Variants in PGC observed in about 807,000 individuals in gnomAD.
PGC encodes progastricsin.
In PGC, 31 loss-of-function variants were observed where a neutral mutation model predicts 45.9. The observed-to-expected ratio is 0.67, with a 90% CI of 0.51 to 0.91. PGC has a LOEUF of 0.91. Ranked by LOEUF, PGC falls within the 40% of genes least tolerant of loss-of-function variation. The pLI, the probability that PGC is intolerant of heterozygous loss-of-function variation, is 0.00. For missense variants in PGC, 477 were observed against 493.2 expected (o/e 0.97, Z 0.31); for synonymous variants, 192 against 201.8 (o/e 0.95, Z 0.41).
chr6:41,744,485 C>A lies in PGC; in HGVS notation c.240G>T (p.Gly80=). 6.2e-7 allele frequency: 1 copy of A among 1,613,964 alleles called. No individual in the cohort carries two copies. The highest frequency in any genetic ancestry group is 8.5e-7 in the Non-Finnish European group (1 of 1,179,928). Residue 80 remains glycine, a synonymous_variant, in exon 3 of 9, where the codon GGG becomes GGT. Transcript: ENST00000373025. This position sits in a 1 kb window ranked among gnomAD's most constrained non-coding sequence, Gnocchi z 4.4. The part of the protein sequence containing the change: ...DAAYFGEISI[G]TPPQNFLVLF... The stretch of plus-strand genomic sequence containing the variant: ...GGACCAGGAAGTTCTGGGGTGGAGT[C>A]CCGATGCTGATCTCACCAAAGTAGG...
chr6:41,737,977 G>A (rs1375755894), intron 7 of PGC, 149 bp from the exon 8 acceptor site: 3 of 590,452 alleles, frequency 5.1e-6, no homozygotes, highest in Non-Finnish European at 9.2e-6. Context: ...CCAAGGGAAA[G>A]TCCTGTGTAG....
At position 41,744,586 on chromosome 6, in the gene PGC, G is replaced by A. The variant is rs1771892340; in HGVS notation, c.210+72C>T. 16 of 1,591,250 alleles carry A rather than the reference G, an allele frequency of 1.0e-5. No individual in the cohort carries two copies. Among genetic ancestry groups the A allele is most frequent in the Non-Finnish European group, 1.3e-5 (15 of 1,162,680 alleles). The stretch of plus-strand genomic sequence containing the variant: ...CCCAGGCTCCTCCATGGGCAGAGGA[G>A]TGAAGGGACCTGCCCCTTCCCTCCA... On this transcript the variant is annotated intron_variant, in intron 2 of 8. Transcript: ENST00000373025. The surrounding 1 kb of genome is among the most constrained non-coding windows in gnomAD (Gnocchi z 4.4).
Position 41,744,476 on chromosome 6 carries a change from G to A in PGC, c.249C>T (p.Pro83=). ...TGTCAAAAAGGACCAGGAAGTTCTG[G>A]GGTGGAGTCCCGATGCTGATCTCAC... ...YFGEISIGTP[P]QNFLVLFDTG... The change falls in exon 3 of 9, where the codon CCC becomes CCT. Residue 83 remains proline, a synonymous_variant. Coordinates refer to ENST00000373025, the MANE Select transcript of PGC (RefSeq NM_002630.4). The surrounding 1 kb of genome is among the most constrained non-coding windows in gnomAD (Gnocchi z 4.4). 3 of 1,613,988 alleles carry A rather than the reference G, an allele frequency of 1.9e-6. No individual in the cohort carries two copies. The highest frequency in any genetic ancestry group is 4.5e-5 in the East Asian group (2 of 44,864).
At chr6:41,743,462 TC>T in intron 3 of PGC, 73 bp from the exon 4 acceptor site, 1 of 923,438 alleles carries the variant, frequency 1.1e-6, no homozygotes, top group Non-Finnish European at 1.8e-6. Flanking sequence ...CCTGCCGGGT[TC>T]CCACCTCAGC....
At chr6:41,743,187 C>T in intron 4 of PGC, 84 bp downstream of exon 4, 2 of 841,760 alleles carry the variant, frequency 2.4e-6, no homozygotes, top group Non-Finnish European at 2.1e-6. Context: ...ACTAGCATTC[C>T]ACCGTGTTTC....
At chr6:41,738,226 G>GCATATATATACA (rs1771748755) in intron 7 of PGC, among the ~76,000 whole-genome samples, 8 of 58,388 alleles carry the variant, frequency 1.4e-4, no homozygotes, top group African/African-American at 6.6e-4. Context: ...ATATATATAT[G>GCATATATATACA]CATATATATA....
At position 41,742,384 on chromosome 6, in the gene PGC, G is replaced by T. The variant is rs778919680; in HGVS notation, c.553C>A (p.Pro185Thr). 1.2e-6 allele frequency: 2 copies of T among 1,614,138 alleles called. No individual in the cohort carries two copies. The highest frequency in any genetic ancestry group is 1.6e-4 in the Middle Eastern group (1 of 6,062). The part of the protein sequence containing the change: ...QFDGIMGLAY[P>T]ALSVDEATTA... ...GTGGCCTCATCCACGGACAGAGCAG[G>T]GTAGGCCAGGCCCATGATGCCATCA... The change falls in exon 5 of 9, where the codon CCT becomes ACT. Residue 185 changes from proline (P) to threonine (T), a missense_variant. Transcript: ENST00000373025.
At chr6:41,738,687 T>C (rs1771762501) in intron 7 of PGC, among the ~76,000 whole-genome samples, 1 of 151,302 alleles carries the variant, frequency 6.6e-6, no homozygotes, top group Admixed American at 6.6e-5. Context: ...CTGGGCGTGG[T>C]GGCTCACATC....
chr6:41,740,716 C>A lies in PGC; in HGVS notation c.648-106G>T, dbSNP rs973297835. The A allele has an allele frequency of 2.7e-6, 4 of 1,487,254 alleles. No homozygotes were observed. The Admixed American group carries it at 9.3e-5, about 35-fold the overall frequency. 92.1% of individuals were successfully genotyped at this position (1,487,254 alleles called of 1,614,324 possible). A position where few individuals can be genotyped will look rare whatever the true frequency, so the allele number is the denominator to read the frequency against. ...AACAGAGCTCCTTCCCTGATCCAGA[C>A]GGGGGCTCCCTGAGGAGAGCACTGA... On this transcript the variant is annotated intron_variant, in intron 5 of 8. Coordinates refer to ENST00000373025, the MANE Select transcript of PGC (RefSeq NM_002630.4).
chr6:41,741,223 C>G (rs767853873), intron 5 of PGC: 39 of 1,494,664 alleles, frequency 2.6e-5, no homozygotes, highest in Non-Finnish European at 3.4e-5. Flanking sequence ...CTGGGTGGAG[C>G]TGCTCTGTTT....
intron 1 of PGC, among the ~76,000 whole-genome samples, chr6:41,746,549 C>T (rs1236167192): frequency 6.6e-6 from 1 of 152,214 alleles, no homozygotes; most frequent in African/African-American, 2.4e-5. Context: ...TCTGGCCTTG[C>T]TCTAGGCTCC....
At position 41,738,237 on chromosome 6, in the gene PGC, T is replaced by C. The variant is rs1224134895; in HGVS notation, c.916-409A>G. Among the ~76,000 whole-genome samples the C allele has an allele frequency of 8.9e-3, 105 of 11,766 alleles. 1 individual carries two copies. Among genetic ancestry groups the C allele is most frequent in the South Asian group, 0.02 (6 of 302 alleles). The allele number at this position is 11,766 out of a possible 152,430, so 7.7% of individuals were successfully genotyped here. A position where few individuals can be genotyped will look rare whatever the true frequency, so the allele number is the denominator to read the frequency against. ...ATGCATATATATATGCATATATATA[T>C]GTATATATATATGCATATATATATA... On this transcript the variant is annotated intron_variant, in intron 7 of 8. Transcript: ENST00000373025.
In PGC at chr6:41,736,772, G is replaced by T; in HGVS notation, c.*80C>A. 1.4e-6 allele frequency: 2 copies of T among 1,395,264 alleles called. No homozygotes were observed. The highest frequency in any genetic ancestry group is 2.0e-6 in the Non-Finnish European group (2 of 980,924). 86.4% of individuals were successfully genotyped at this position (1,395,264 alleles called of 1,614,324 possible). ...GTCCAGAAAAAGAAGGCTGAATCCA[G>T]AGTGGAAAGACAGATACAATGCCCT... On this transcript the variant is annotated 3_prime_UTR_variant, in exon 9 of 9. Coordinates refer to ENST00000373025, the MANE Select transcript of PGC (RefSeq NM_002630.4).
intron 5 of PGC, chr6:41,741,739 ACTG>A (rs1428899765): frequency 7.6e-5 from 97 of 1,270,028 alleles, no homozygotes; most frequent in Non-Finnish European, 1.0e-4. Flanking sequence ...ACCCCCACCC[ACTG>A]CCTGTCTCAC....
intron 1 of PGC, among the ~76,000 whole-genome samples, chr6:41,745,014 T>TGTGCGCGC (rs1415285815): frequency 3.0e-5 from 3 of 99,782 alleles, no homozygotes; most frequent in Admixed American, 2.9e-4. Context: ...TGTGTGTGTG[T>TGTGCGCGC]GCGCGCGCGC....
At position 41,742,814 on chromosome 6, in the gene PGC, C is replaced by G. The variant is rs1255024194; in HGVS notation, c.448-325G>C. Among the ~76,000 whole-genome samples the G allele has an allele frequency of 2.6e-4, 39 of 152,170 alleles. 1 individual carries two copies. The stretch of plus-strand genomic sequence containing the variant: ...TAATTTTTTGTACTTTTAATAGAGA[C>G]AGGGTTTCACCATGTTGGCCAGGAT... On this transcript the variant is annotated intron_variant, in intron 4 of 8. Coordinates refer to ENST00000373025, the MANE Select transcript of PGC (RefSeq NM_002630.4).
chr6:41,743,346 G>T lies in PGC; in HGVS notation c.372C>A (p.Ser124=). ...GCAGGGAGAAGGTCTGCCCATTGGT[G>T]GAGTAGGTGGACGACTCGCTGGGGT... ...RFNPSESSTY[S]TNGQTFSLQY... The change falls in exon 4 of 9, where the codon TCC becomes TCA. Residue 124 remains serine, a synonymous_variant. Coordinates refer to ENST00000373025, the MANE Select transcript of PGC (RefSeq NM_002630.4). 6.2e-7 allele frequency: 1 copy of T among 1,614,094 alleles called. No individual in the cohort carries two copies. Among genetic ancestry groups the T allele is most frequent in the Non-Finnish European group, 8.5e-7 (1 of 1,179,914 alleles).
At chr6:41,741,801 A>G in intron 5 of PGC, 2 of 1,536,258 alleles carry the variant, frequency 1.3e-6, no homozygotes, top group Non-Finnish European at 1.7e-6. Context: ...ACAACCTGCT[A>G]GGGGTCAGCA....
chr6:41,741,804 G>A (rs776660793), intron 5 of PGC: 2 of 1,536,206 alleles, frequency 1.3e-6, no homozygotes, highest in South Asian at 1.2e-5. Flanking sequence ...ACCTGCTAGG[G>A]GTCAGCAGTG....
Sources: allele counts gnomAD v4.1 joint callset (sites outside exome capture counted in the v4.1 genomes callset), GRCh38; gene constraint gnomAD v4.1.1; non-coding constraint Gnocchi (gnomAD v3.1); transcripts MANE v1.5; gene names NCBI Gene and HGNC (gene_info 2026-07-23, HGNC 2026-07-21).